The following STARD13 variants were observed in gnomAD, a reference collection of about 807,000 sequenced individuals.
STARD13 encodes the protein stAR-related lipid transfer protein 13.
STARD13 carries 62 observed loss-of-function variants against 106.4 expected under a neutral mutation model. The observed-to-expected ratio is 0.58, with a 90% CI of 0.48 to 0.72. The LOEUF (loss-of-function observed/expected upper bound fraction) is 0.72. Ranked by LOEUF, STARD13 falls within the 30% of genes least tolerant of loss-of-function variation. The pLI, the probability that STARD13 is intolerant of heterozygous loss-of-function variation, is 0.00. For missense variants in STARD13, 1,387 were observed against 1,424.0 expected (o/e 0.97, Z 0.42); for synonymous variants, 565 against 553.0 (o/e 1.02, Z -0.31).
chr13:33,442,709 C>A, the STARD13 span, among the ~76,000 whole-genome samples: 2 of 152,004 alleles, frequency 1.3e-5, no homozygotes, highest in Admixed American at 6.6e-5. Flanking sequence ...TAAAAATGAG[C>A]CCCTCATGTA....
At chr13:33,652,633 A>G in the STARD13 span, among the ~76,000 whole-genome samples, 10 of 152,232 alleles carry the variant, frequency 6.6e-5, no homozygotes, top group African/African-American at 2.4e-4. Context: ...AAATATTTTC[A>G]TTAATGACAT....
At chr13:33,594,302 G>A in the STARD13 span, among the ~76,000 whole-genome samples, 1 of 152,118 alleles carries the variant, frequency 6.6e-6, no homozygotes. Flanking sequence ...AGCCAGATCT[G>A]CCAACTAAAT....
chr13:33,110,879 C>G lies in STARD13; in HGVS notation c.2636G>C (p.Arg879Pro), dbSNP rs374830984. ...GATCTCAGCCTCCACATACGAGTTACGAGACTGGGCCACCAACTCGTGTGG... is the reference window on the plus strand; with the variant it reads ...GATCTCAGCCTCCACATACGAGTTAGGAGACTGGGCCACCAACTCGTGTGG... ...EVPHELVAQS[R>P]NSYVEAEIHV... is the part of the protein sequence containing the mutation. Residue 879 changes from arginine to proline, a missense_variant, in exon 11 of 14, where the codon CGT becomes CCT. Coordinates refer to ENST00000336934, the MANE Select transcript of STARD13 (RefSeq NM_178006.4). 1.2e-6 allele frequency: 2 copies of G among 1,613,258 alleles called. No homozygotes were observed. The highest frequency in any genetic ancestry group is 8.5e-7 in the Non-Finnish European group (1 of 1,180,034).
the STARD13 span, among the ~76,000 whole-genome samples, chr13:33,555,877 A>T: frequency 1.3e-5 from 2 of 152,150 alleles, no homozygotes; most frequent in Non-Finnish European, 2.9e-5. Context: ...TTAGTATTAG[A>T]CCCATTTTAT....
At chr13:33,125,289 C>A (rs1357339821) in intron 7 of STARD13, among the ~76,000 whole-genome samples, 1 of 152,174 alleles carries the variant, frequency 6.6e-6, no homozygotes, top group Non-Finnish European at 1.5e-5. Flanking sequence ...AGAATAGCTG[C>A]CTGGAAATAT....
the STARD13 span, among the ~76,000 whole-genome samples, chr13:33,512,340 C>G: frequency 1.4e-4 from 22 of 152,134 alleles, no homozygotes; most frequent in Non-Finnish European, 2.4e-4. Flanking sequence ...GCTTTTCTTA[C>G]AAGATGAGGA....
At chr13:33,336,277 G>T (rs1441866504) in intron 1 of STARD13, 2 of 152,164 alleles carry the variant, frequency 1.3e-5, no homozygotes, top group Non-Finnish European at 2.9e-5. Context: ...AGTAAAACTT[G>T]TTATAACTCT....
At chr13:33,566,753 G>A in the STARD13 span, among the ~76,000 whole-genome samples, 46 of 147,684 alleles carry the variant, frequency 3.1e-4, 3 homozygotes, top group Non-Finnish European at 6.0e-4. Context: ...ATAGAATTAG[G>A]CAGTATGGGG....
chr13:33,622,701 C>G, the STARD13 span, among the ~76,000 whole-genome samples: 1 of 143,556 alleles, frequency 7.0e-6, no homozygotes, highest in Non-Finnish European at 1.5e-5. Flanking sequence ...GCGGGCGGAT[C>G]ACGAGGTCAG....
intron 1 of STARD13, among the ~76,000 whole-genome samples, chr13:33,308,171 T>A (rs1892982363): frequency 1.3e-5 from 2 of 152,244 alleles, no homozygotes; most frequent in South Asian, 4.1e-4. Context: ...CTATCTCCTC[T>A]GAAAATGATC....
chr13:33,552,557 A>G, the STARD13 span, among the ~76,000 whole-genome samples: 38 of 152,238 alleles, frequency 2.5e-4, no homozygotes, highest in African/African-American at 8.7e-4. Context: ...ACTAAAAATA[A>G]TCATTGAATT....
chr13:33,246,231 G>C (rs764597845), intron 1 of STARD13, among the ~76,000 whole-genome samples: 2 of 152,216 alleles, frequency 1.3e-5, no homozygotes, highest in Non-Finnish European at 2.9e-5. Flanking sequence ...GCATCAAAGA[G>C]AGGTAAGGAG....
At chr13:33,317,825 G>A (rs758442436) in intron 1 of STARD13, among the ~76,000 whole-genome samples, 10 of 152,148 alleles carry the variant, frequency 6.6e-5, no homozygotes, top group South Asian at 4.1e-4. Context: ...TAAGCACTCC[G>A]TAAGTTTTTC....
the STARD13 span, among the ~76,000 whole-genome samples, chr13:33,443,695 C>A: frequency 6.6e-6 from 1 of 151,764 alleles, no homozygotes; most frequent in South Asian, 2.1e-4. Context: ...ACCAGCGTGG[C>A]CAACATGATG....
At chr13:33,138,989 C>A in intron 4 of STARD13, 1 of 347,252 alleles carries the variant, frequency 2.9e-6, no homozygotes, top group Non-Finnish European at 5.8e-6. Context: ...AAGCCTTCAT[C>A]ACCATCATCA....
chr13:33,646,552 T>C, the STARD13 span, among the ~76,000 whole-genome samples: 2 of 152,162 alleles, frequency 1.3e-5, no homozygotes. Context: ...TCAGGCATGG[T>C]GTCTCTGGGG....
At chr13:33,496,342 G>A in the STARD13 span, among the ~76,000 whole-genome samples, 1 of 150,742 alleles carries the variant, frequency 6.6e-6, no homozygotes, top group Non-Finnish European at 1.5e-5. Flanking sequence ...AAAATAAAGT[G>A]TATTTACAAT....
intron 12 of STARD13, among the ~76,000 whole-genome samples, chr13:33,107,911 C>G (rs1873991064): frequency 6.6e-6 from 1 of 152,200 alleles, no homozygotes; most frequent in African/African-American, 2.4e-5. Flanking sequence ...TATTCCCTTA[C>G]TAAGTCATGT....
chr13:33,428,028 T>C, the STARD13 span, among the ~76,000 whole-genome samples: 1 of 151,424 alleles, frequency 6.6e-6, no homozygotes, highest in Non-Finnish European at 1.5e-5. Context: ...AATCCATACA[T>C]TTACAGCCAA....
Sources: allele counts gnomAD v4.1 joint callset (sites outside exome capture counted in the v4.1 genomes callset), GRCh38; gene constraint gnomAD v4.1.1; transcripts MANE v1.5; gene names NCBI Gene and HGNC (gene_info 2026-07-23, HGNC 2026-07-21).